The following ARID1B variants were observed in gnomAD, a reference collection of about 807,000 sequenced individuals.
The protein encoded by ARID1B is AT-rich interactive domain-containing protein 1B.
Under a neutral mutation model 212.3 loss-of-function variants are expected in ARID1B, and 30 were observed. That is an observed-to-expected ratio of 0.14 (90% CI 0.11 to 0.19). The LOEUF is 0.19. Ranked by LOEUF, ARID1B falls within the 10% of genes least tolerant of loss-of-function variation. ARID1B has a pLI of 1.00. For synonymous variants in ARID1B, 1,402 were observed against 1,301.7 expected (o/e 1.08, Z -1.66); for missense variants, 2,891 against 3,204.0 (o/e 0.90, Z 2.36).
At chr6:157,047,488 G>A (rs902644404) in intron 4 of ARID1B, among the ~76,000 whole-genome samples, 5 of 152,182 alleles carry the variant, frequency 3.3e-5, no homozygotes, top group Non-Finnish European at 5.9e-5. Flanking sequence ...ACAGCATCGC[G>A]GCTGTCCCAA....
chr6:156,903,351 A>C (rs1400350831), intron 3 of ARID1B, among the ~76,000 whole-genome samples: 1 of 152,216 alleles, frequency 6.6e-6, no homozygotes, highest in Non-Finnish European at 1.5e-5. Context: ...ATGACTTTTT[A>C]AAGTAATTGT....
intron 4 of ARID1B, among the ~76,000 whole-genome samples, chr6:157,028,230 T>C (rs959994365): frequency 4.6e-5 from 7 of 152,246 alleles, no homozygotes; most frequent in African/African-American, 1.7e-4. Flanking sequence ...TACTTAGTGC[T>C]CATATGTTTT....
intron 4 of ARID1B, among the ~76,000 whole-genome samples, chr6:157,083,960 C>T (rs970383909): frequency 6.6e-6 from 1 of 151,806 alleles, no homozygotes; most frequent in Admixed American, 6.6e-5. Flanking sequence ...ATGGTGAAAC[C>T]CCGTCTCTAT....
rs527325653 is a variant in ARID1B at position 156,794,603 on chromosome 6, A to G, written c.1791+15132A>G. Among the ~76,000 whole-genome samples the G allele has an allele frequency of 3.3e-4, 35 of 106,104 alleles. No homozygotes were observed. The South Asian group carries it at 9.7e-3, about 29-fold the overall frequency. The allele number at this position is 106,104 out of a possible 152,430, so 69.6% of individuals were successfully genotyped here. The stretch of plus-strand genomic sequence containing the variant: ...TTTTTTTTTTTTTTTTTTTGAGACA[A>G]TTTCACATCATCACCCAGGCTGGAG... On this transcript the variant is annotated intron_variant, in intron 1 of 19. Coordinates refer to ENST00000636930, the MANE Select transcript of ARID1B (RefSeq NM_001374828.1).
intron 2 of ARID1B, among the ~76,000 whole-genome samples, chr6:156,849,990 G>C (rs2128105484): frequency 6.7e-6 from 1 of 149,526 alleles, no homozygotes; most frequent in East Asian, 1.9e-4. Context: ...ACCTGTTAGA[G>C]CTGGAAGTGT....
chr6:156,862,555 T>C (rs534697287), intron 2 of ARID1B, among the ~76,000 whole-genome samples: 3 of 152,160 alleles, frequency 2.0e-5, no homozygotes, highest in Non-Finnish European at 4.4e-5. Flanking sequence ...CAAAGGAGGA[T>C]GCAGTGGCCA....
intron 1 of ARID1B, 105 bp downstream of exon 1, chr6:156,779,576 G>T: frequency 9.0e-7 from 1 of 1,116,918 alleles, no homozygotes; most frequent in East Asian, 4.0e-5. Flanking sequence ...TCCCGCGGGG[G>T]CGGCGGGGGC....
At chr6:156,886,749 C>T (rs1787538935) in intron 2 of ARID1B, among the ~76,000 whole-genome samples, 3 of 152,290 alleles carry the variant, frequency 2.0e-5, no homozygotes, top group Middle Eastern at 6.8e-3. Context: ...TAAAGTAGTT[C>T]TTAATAATGT....
intron 6 of ARID1B, among the ~76,000 whole-genome samples, chr6:157,129,305 C>T (rs1289701971): frequency 6.6e-6 from 1 of 152,194 alleles, no homozygotes; most frequent in African/African-American, 2.4e-5. Context: ...TCTGTCTCCC[C>T]TACTAGATTC....
At chr6:157,133,902 G>A (rs1481448296) in intron 7 of ARID1B, among the ~76,000 whole-genome samples, 2 of 152,154 alleles carry the variant, frequency 1.3e-5, no homozygotes, top group Non-Finnish European at 2.9e-5. Context: ...TTTTTAACCT[G>A]ATGTGTGTAG....
At chr6:156,847,288 GC>G (rs1212238232) in intron 2 of ARID1B, among the ~76,000 whole-genome samples, 62 of 152,316 alleles carry the variant, frequency 4.1e-4, no homozygotes, top group Non-Finnish European at 7.5e-4. Context: ...GAATTAAACA[GC>G]ACAACTGGAG....
At chr6:157,079,926 G>C (rs538937908) in intron 4 of ARID1B, among the ~76,000 whole-genome samples, 12 of 152,290 alleles carry the variant, frequency 7.9e-5, no homozygotes, top group African/African-American at 2.9e-4. Context: ...CACTACTTCT[G>C]CTTTTTAAGA....
chr6:156,996,804 G>A (rs1354244733), intron 4 of ARID1B, among the ~76,000 whole-genome samples: 4 of 152,148 alleles, frequency 2.6e-5, no homozygotes, highest in Non-Finnish European at 4.4e-5. Context: ...TTACAATTGC[G>A]TTAATGTCCA....
intron 4 of ARID1B, among the ~76,000 whole-genome samples, chr6:157,034,748 A>G (rs1440729179): frequency 6.6e-6 from 1 of 152,216 alleles, no homozygotes; most frequent in Non-Finnish European, 1.5e-5. Context: ...TAAATTGAGG[A>G]TAACCTCATG....
intron 2 of ARID1B, among the ~76,000 whole-genome samples, chr6:156,845,741 G>A (rs941903764): frequency 1.3e-5 from 2 of 151,992 alleles, no homozygotes; most frequent in Admixed American, 6.6e-5. Context: ...ATTAAACTTG[G>A]TGCTATTTTT....
chr6:157,149,089 G>A, intron 8 of ARID1B, 138 bp downstream of exon 8: 4 of 859,512 alleles, frequency 4.7e-6, no homozygotes, highest in Non-Finnish European at 7.0e-6. Flanking sequence ...TTCTTTTTGT[G>A]TTAAATATAT....
chr6:156,847,216 A>G (rs1335893526), intron 2 of ARID1B, among the ~76,000 whole-genome samples: 2 of 152,238 alleles, frequency 1.3e-5, no homozygotes, highest in Non-Finnish European at 2.9e-5. Context: ...CTATCTGGTA[A>G]TGTGCCAGAG....
intron 15 of ARID1B, chr6:157,195,109 A>G (rs1406663054): frequency 6.6e-6 from 1 of 152,244 alleles, no homozygotes; most frequent in Non-Finnish European, 1.5e-5. Flanking sequence ...CTATGTTGTT[A>G]TATAACAAGT....
intron 9 of ARID1B, among the ~76,000 whole-genome samples, chr6:157,172,455 G>A (rs1178741299): frequency 1.4e-4 from 22 of 152,224 alleles, no homozygotes; most frequent in Non-Finnish European, 1.5e-5. Flanking sequence ...TATGATTTGT[G>A]TGTGTTGTGA....
Sources: gnomAD v4.1 joint callset for allele counts (sites outside exome capture counted in the v4.1 genomes callset) on GRCh38, gnomAD v4.1.1 for gene constraint, MANE v1.5 for transcripts, NCBI Gene and HGNC (gene_info 2026-07-23, HGNC 2026-07-21) for gene names.